The following FRMPD4 variants were observed in gnomAD, a reference collection of about 807,000 sequenced individuals.
The protein encoded by FRMPD4 is FERM and PDZ domain-containing protein 4.
In FRMPD4, 22 loss-of-function variants were observed where a neutral mutation model predicts 94.1. The ratio of observed to expected loss-of-function variants is 0.23; its 90% CI spans 0.17 to 0.33. FRMPD4 has a LOEUF of 0.33. FRMPD4 is among the 10% of genes least tolerant of loss of function. The pLI is 1.00. For missense variants in FRMPD4, 1,111 were observed against 1,339.9 expected, an observed-to-expected ratio of 0.83 and a Z score of 2.67; for synonymous variants, 631 against 548.6, an observed-to-expected ratio of 1.15 and a Z score of -2.10.
chrX:12,383,868 C>T (rs1252455478), intron 1 of FRMPD4, among the ~76,000 whole-genome samples: 2 of 111,647 alleles, frequency 1.8e-5, no homozygotes, highest in Non-Finnish European at 3.8e-5. Flanking sequence ...TCTACGGAGC[C>T]TCGTGTCATG....
intron 1 of FRMPD4, among the ~76,000 whole-genome samples, chrX:12,278,914 TA>T (rs202139201): frequency 2.5e-4 from 28 of 111,851 alleles, no homozygotes; most frequent in East Asian, 2.0e-3. Flanking sequence ...TCACATATTT[TA>T]TTTTTTTAAT....
intron 2 of FRMPD4, among the ~76,000 whole-genome samples, chrX:12,502,817 A>G (rs1056809959): frequency 8.9e-6 from 1 of 112,287 alleles, no homozygotes; most frequent in Non-Finnish European, 1.9e-5. Context: ...AGATGATTAG[A>G]TACAGATATA....
chrX:12,555,128 T>C (rs1460236553), intron 2 of FRMPD4, among the ~76,000 whole-genome samples: 3 of 111,351 alleles, frequency 2.7e-5, no homozygotes, highest in Non-Finnish European at 5.7e-5. Context: ...TTTTTAAAAT[T>C]ATGTGTGATG....
intron 3 of FRMPD4, among the ~76,000 whole-genome samples, chrX:11,888,263 T>G (rs1332155809): frequency 1.8e-5 from 2 of 112,057 alleles, no homozygotes; most frequent in African/African-American, 6.5e-5. Context: ...AATTCTACTT[T>G]GTGTACACTT....
intron 1 of FRMPD4, among the ~76,000 whole-genome samples, chrX:12,471,934 C>T (rs914378394): frequency 2.7e-5 from 3 of 111,727 alleles, no homozygotes; most frequent in African/African-American, 6.5e-5. Flanking sequence ...ATGCAACTCC[C>T]GGGGAGTTAA....
At chrX:12,435,376 A>C (rs932571350) in intron 1 of FRMPD4, among the ~76,000 whole-genome samples, 2 of 111,893 alleles carry the variant, frequency 1.8e-5, no homozygotes, top group Admixed American at 1.9e-4. Flanking sequence ...TATATACTGT[A>C]TATTCAGTAT....
chrX:12,538,536 G>T (rs1020795075), intron 2 of FRMPD4, among the ~76,000 whole-genome samples: 4 of 111,695 alleles, frequency 3.6e-5, no homozygotes, highest in Non-Finnish European at 5.6e-5. Context: ...CCTCAAGTGG[G>T]TCCCTGTCCC....
In FRMPD4 at chrX:11,973,954, A is replaced by T. The variant is rs1157063541; in HGVS notation, c.95+95936A>T. Among the ~76,000 whole-genome samples the T allele has an allele frequency of 3.6e-5, 4 of 111,613 alleles. No homozygotes were observed. The East Asian group carries it at 8.5e-4, about 24-fold the overall frequency. ...GTTAACAGACCCAGGGCACAGTTCA[A>T]AGAGGTTAGCATAGAGTTAGGTCCC... On this transcript the variant is annotated intron_variant, in intron 3 of 18. Coordinates refer to the FRMPD4 transcript ENST00000640291.
chrX:11,832,631 A>G (rs148355269), intron 1 of FRMPD4, among the ~76,000 whole-genome samples: 75 of 112,061 alleles, frequency 6.7e-4, no homozygotes, highest in Admixed American at 1.2e-3. Context: ...TGTCCCTTCT[A>G]CTACCTTATT....
intron 3 of FRMPD4, among the ~76,000 whole-genome samples, chrX:11,889,340 T>G (rs1244277361): frequency 8.9e-6 from 1 of 112,045 alleles, no homozygotes; most frequent in Non-Finnish European, 1.9e-5. Context: ...TAAAATGGGC[T>G]TATTTGGACA....
At chrX:12,361,713 G>A (rs2055991694) in intron 1 of FRMPD4, among the ~76,000 whole-genome samples, 1 of 111,970 alleles carries the variant, frequency 8.9e-6, no homozygotes, top group African/African-American at 3.2e-5. Context: ...TAGGGCTTCT[G>A]TAACAAACTG....
chrX:11,968,082 G>T (rs985477647), intron 3 of FRMPD4, among the ~76,000 whole-genome samples: 5 of 110,673 alleles, frequency 4.5e-5, no homozygotes, highest in African/African-American at 1.6e-4. Flanking sequence ...GGGGCAGTAG[G>T]CTATTTTCCC....
chrX:12,159,530 G>A (rs768756308), intron 1 of FRMPD4, among the ~76,000 whole-genome samples: 19 of 111,958 alleles, frequency 1.7e-4, no homozygotes, highest in African/African-American at 1.9e-4. Flanking sequence ...GACTATTGCC[G>A]TTTTACTATG....
At chrX:12,630,643 T>C (rs1181206624) in intron 4 of FRMPD4, among the ~76,000 whole-genome samples, 1 of 111,937 alleles carries the variant, frequency 8.9e-6, no homozygotes, top group Admixed American at 9.4e-5. Context: ...TCACAGACTT[T>C]TGTGATGGCT....
chrX:12,186,072 T>C (rs1295725841), intron 1 of FRMPD4, among the ~76,000 whole-genome samples: 1 of 111,927 alleles, frequency 8.9e-6, no homozygotes, highest in Non-Finnish European at 1.9e-5. Context: ...TGTCTTTTAT[T>C]GTTTGCATGC....
At chrX:12,483,596 A>T (rs1449294159) in intron 1 of FRMPD4, among the ~76,000 whole-genome samples, 1 of 111,746 alleles carries the variant, frequency 8.9e-6, no homozygotes, top group Non-Finnish European at 1.9e-5. Context: ...TTATATTCTA[A>T]TCCTTCATGA....
chrX:12,640,207 G>A (rs1034666350), intron 4 of FRMPD4, among the ~76,000 whole-genome samples: 2 of 100,669 alleles, frequency 2.0e-5, no homozygotes, highest in Admixed American at 1.2e-4. Context: ...GCTGAGGCAC[G>A]AGAATTGCTT....
chrX:12,510,830 G>C (rs1354057875), intron 2 of FRMPD4, among the ~76,000 whole-genome samples: 1 of 111,928 alleles, frequency 8.9e-6, no homozygotes, highest in Non-Finnish European at 1.9e-5. Flanking sequence ...CTAGTCTGGA[G>C]GCTGTCTAAG....
At chrX:12,142,935 G>C (rs1021245868) in intron 1 of FRMPD4, among the ~76,000 whole-genome samples, 1 of 111,968 alleles carries the variant, frequency 8.9e-6, no homozygotes, top group Admixed American at 9.5e-5. Flanking sequence ...CCTTCCAGCT[G>C]TTCATTCTCC....
Sources: allele counts gnomAD v4.1 joint callset (sites outside exome capture counted in the v4.1 genomes callset), GRCh38; gene constraint gnomAD v4.1.1; transcripts MANE v1.5; gene names NCBI Gene and HGNC (gene_info 2026-07-23, HGNC 2026-07-21).